The following SLC25A13 variants were observed in gnomAD, a reference collection of about 807,000 sequenced individuals.
SLC25A13 encodes the protein solute carrier family 25 member 13.
A neutral mutation model predicts 85.5 loss-of-function variants in SLC25A13; 70 were observed. The observed-to-expected ratio is 0.82, with a 90% CI of 0.68 to 1.00. SLC25A13 has a LOEUF of 1.00. SLC25A13 is among the 50% of genes least tolerant of loss of function. SLC25A13 has a pLI of 0.00. For missense variants in SLC25A13, 765 were observed against 819.8 expected (o/e 0.93, Z 0.82); for synonymous variants, 259 against 288.7 (o/e 0.90, Z 1.04).
intron 11 of SLC25A13, among the ~76,000 whole-genome samples, chr7:96,176,486 C>T (rs1425794017): frequency 6.6e-6 from 1 of 152,166 alleles, no homozygotes; most frequent in Non-Finnish European, 1.5e-5. Flanking sequence ...TCGACTCTAC[C>T]AGAAGGCTGC....
chr7:96,234,731 A>G, intron 4 of SLC25A13, 71 bp downstream of exon 4: 1 of 1,155,748 alleles, frequency 8.7e-7, no homozygotes, highest in South Asian at 1.3e-5. Context: ...TTTTGTTCCT[A>G]GAAAAAAAAA....
intron 4 of SLC25A13, among the ~76,000 whole-genome samples, chr7:96,210,095 G>T (rs1021667770): frequency 6.6e-6 from 1 of 151,980 alleles, no homozygotes; most frequent in Admixed American, 6.6e-5. Flanking sequence ...TTTATTCCAC[G>T]TTTTTAAAGT....
In SLC25A13 at chr7:96,121,474, G is replaced by C. The variant is rs140677742; in HGVS notation, c.1842-97C>G. 6.0e-4 allele frequency: 884 copies of C among 1,464,480 alleles called. 4 individuals carry two copies. The African/African-American group carries it at 0.011, about 18-fold the overall frequency. The allele number at this position is 1,464,480 out of a possible 1,614,324, so 90.7% of individuals were successfully genotyped here. ...AACCTGTTCAAATATTTAATGTAAA[G>C]GAGTTGATACATTCTCATCAGTTGT... is the stretch of plus-strand genomic sequence containing the variant. On this transcript the variant is annotated intron_variant, in intron 17 of 17. Transcript: ENST00000265631.
intron 5 of SLC25A13, among the ~76,000 whole-genome samples, chr7:96,207,496 A>G (rs1795505250): frequency 6.6e-6 from 1 of 152,174 alleles, no homozygotes; most frequent in African/African-American, 2.4e-5. Context: ...CATTTCTAGT[A>G]ACAAAGAATT....
intron 3 of SLC25A13, among the ~76,000 whole-genome samples, chr7:96,263,347 G>T (rs1175989090): frequency 6.6e-6 from 1 of 152,164 alleles, no homozygotes; most frequent in Non-Finnish European, 1.5e-5. Flanking sequence ...AGAATTCAGT[G>T]TATAGTGACC....
intron 4 of SLC25A13, among the ~76,000 whole-genome samples, chr7:96,226,634 C>T (rs1421499741): frequency 6.6e-6 from 1 of 150,554 alleles, no homozygotes; most frequent in South Asian, 2.1e-4. Flanking sequence ...GTTTGCCACC[C>T]GTGATCTAGT....
intron 13 of SLC25A13, among the ~76,000 whole-genome samples, chr7:96,158,970 G>A (rs1051124369): frequency 1.3e-4 from 20 of 152,292 alleles, no homozygotes; most frequent in African/African-American, 4.8e-4. Flanking sequence ...GAGCTCACAG[G>A]TAAAAAAGAG....
At chr7:96,150,723 A>C (rs1793002503) in intron 13 of SLC25A13, among the ~76,000 whole-genome samples, 1 of 152,096 alleles carries the variant, frequency 6.6e-6, no homozygotes, top group Non-Finnish European at 1.5e-5. Flanking sequence ...AAAGAGAGAG[A>C]CCTCAGAAGA....
At chr7:96,178,585 T>C (rs572178966) in intron 11 of SLC25A13, among the ~76,000 whole-genome samples, 6 of 152,296 alleles carry the variant, frequency 3.9e-5, no homozygotes, top group African/African-American at 1.4e-4. Context: ...TGTCAAATTC[T>C]TACCCTTCTG....
At position 96,162,469 on chromosome 7, in the gene SLC25A13, A is replaced by G. The variant is rs561947365; in HGVS notation, c.1311+7576T>C. On this transcript the variant is annotated intron_variant, in intron 13 of 17. Coordinates refer to ENST00000265631, the MANE Select transcript of SLC25A13 (RefSeq NM_014251.3). ...ACAAATGGAAATGTTAAGCAAAGTC[A>G]TTAATATCTGGGTGGCGCCATGACT... 1.4e-3 allele frequency among the ~76,000 whole-genome samples: 210 copies of G among 152,368 alleles called. 1 individual carries two copies. The Middle Eastern group carries it at 0.024, about 17-fold the overall frequency.
At chr7:96,206,896 G>A (rs1157317189) in intron 5 of SLC25A13, among the ~76,000 whole-genome samples, 1 of 152,240 alleles carries the variant, frequency 6.6e-6, no homozygotes, top group East Asian at 1.9e-4. Context: ...GAGGAAACAC[G>A]ATCATCCTTA....
intron 2 of SLC25A13, among the ~76,000 whole-genome samples, chr7:96,286,080 C>G (rs372305684): frequency 6.6e-6 from 1 of 151,840 alleles, no homozygotes; most frequent in Non-Finnish European, 1.5e-5. Flanking sequence ...GTCAGGAGAT[C>G]GAGACCATCC....
chr7:96,139,995 G>T (rs1792458317), intron 14 of SLC25A13, among the ~76,000 whole-genome samples: 1 of 113,962 alleles, frequency 8.8e-6, no homozygotes. Context: ...GTCTCGCTCT[G>T]TCGCCCAGGC....
intron 1 of SLC25A13, among the ~76,000 whole-genome samples, chr7:96,315,609 A>T (rs1318809765): frequency 6.6e-6 from 1 of 152,196 alleles, no homozygotes; most frequent in Non-Finnish European, 1.5e-5. Flanking sequence ...AAGGCCATCC[A>T]GCTCCAACAA....
rs1368491957 is a variant in SLC25A13 at position 96,120,306 on chromosome 7, C to T, written c.*885G>A. The T allele has an allele frequency of 6.6e-6, 3 of 453,920 alleles. No individual in the cohort carries two copies. The highest frequency in any genetic ancestry group is 1.3e-5 in the Non-Finnish European group (3 of 226,772). The allele number at this position is 453,920 out of a possible 1,614,324, so 28.1% of individuals were successfully genotyped here. ...GGCAACATGAATTAAATACTTATGTCAGAACATATTTGTCTTACATTATTC... is the reference window on the plus strand; with the variant it reads ...GGCAACATGAATTAAATACTTATGTTAGAACATATTTGTCTTACATTATTC... On this transcript the variant is annotated 3_prime_UTR_variant, in exon 18 of 18. Coordinates refer to ENST00000265631, the MANE Select transcript of SLC25A13 (RefSeq NM_014251.3).
chr7:96,179,972 C>T (rs528635526), intron 11 of SLC25A13, among the ~76,000 whole-genome samples: 1 of 152,282 alleles, frequency 6.6e-6, no homozygotes, highest in African/African-American at 2.4e-5. Context: ...AGGGACCTGG[C>T]TTAAACTAGC....
At chr7:96,206,740 C>T (rs1350238206) in intron 5 of SLC25A13, among the ~76,000 whole-genome samples, 1 of 152,112 alleles carries the variant, frequency 6.6e-6, no homozygotes, top group Non-Finnish European at 1.5e-5. Context: ...TAAGTGAATG[C>T]CTTACAAATT....
intron 13 of SLC25A13, among the ~76,000 whole-genome samples, chr7:96,168,910 T>C (rs1290041517): frequency 1.3e-5 from 2 of 152,162 alleles, no homozygotes; most frequent in Non-Finnish European, 2.9e-5. Flanking sequence ...AGAGTAGTTA[T>C]GGGGAAGAGC....
chr7:96,305,083 T>A (rs139533316), intron 1 of SLC25A13, among the ~76,000 whole-genome samples: 125 of 152,332 alleles, frequency 8.2e-4, no homozygotes, highest in Non-Finnish European at 1.5e-3. Context: ...CTTATTTCAT[T>A]TATATACTGT....
Sources: gnomAD v4.1 joint callset for allele counts (sites outside exome capture counted in the v4.1 genomes callset) on GRCh38, gnomAD v4.1.1 for gene constraint, MANE v1.5 for transcripts, NCBI Gene and HGNC (gene_info 2026-07-23, HGNC 2026-07-21) for gene names.